Variants in ELMO1 observed in about 807,000 individuals in gnomAD.
The protein encoded by ELMO1 is engulfment and cell motility 1.
ELMO1 carries 26 observed loss-of-function variants against 98.9 expected under a neutral mutation model. That is an observed-to-expected ratio of 0.26 (90% CI 0.19 to 0.36). The LOEUF (loss-of-function observed/expected upper bound fraction) is 0.36, where lower values mean the gene tolerates loss of function less well. Among genes scored for constraint, ELMO1 ranks in the 10% least tolerant of loss-of-function variants. ELMO1 has a pLI of 1.00. For synonymous variants in ELMO1, 346 were observed against 346.0 expected (o/e 1.00, Z 0.00); for missense variants, 627 against 935.2 (o/e 0.67, Z 4.30).
chr7:37,029,553 A>G (rs1376066955), intron 15 of ELMO1, among the ~76,000 whole-genome samples: 1 of 152,186 alleles, frequency 6.6e-6, no homozygotes, highest in Non-Finnish European at 1.5e-5. Context: ...AAATTTGAGT[A>G]TAACACAGCA....
At chr7:37,249,939 A>G (rs999993458) in intron 6 of ELMO1, among the ~76,000 whole-genome samples, 2 of 152,152 alleles carry the variant, frequency 1.3e-5, no homozygotes, top group East Asian at 3.9e-4. Context: ...AAAATTAGCC[A>G]GGTGTGGTGG....
In ELMO1 at chr7:37,217,462, C is replaced by A. The variant is rs573177704; in HGVS notation, c.781-767G>T. 7.9e-5 allele frequency among the ~76,000 whole-genome samples: 12 copies of A among 151,790 alleles called. No homozygotes were observed. In the East Asian group the frequency reaches 1.9e-3, roughly 24 times the overall value. ...TGCTCATATTCAGGAAGACACTTGA[C>A]CGTTGTTTTGTGGTAGGGGGTGTTT... On this transcript the variant is annotated intron_variant, in intron 10 of 21. Coordinates refer to ENST00000310758, the MANE Select transcript of ELMO1 (RefSeq NM_014800.11).
chr7:36,923,603 A>T lies in ELMO1; in HGVS notation c.1438-28586T>A, dbSNP rs186103754. 3.4e-3 allele frequency among the ~76,000 whole-genome samples: 523 copies of T among 152,326 alleles called. 4 individuals are homozygous for T. Among genetic ancestry groups the T allele is most frequent in the Non-Finnish European group, 2.9e-3 (198 of 68,036 alleles). On this transcript the variant is annotated intron_variant, in intron 16 of 21. Transcript: ENST00000310758. ...AATTTAGAACTTAGTAACTGATTTT[A>T]AAAAATCTTCTCAAGAATGGCACAT... is the stretch of plus-strand genomic sequence containing the variant.
intron 13 of ELMO1, among the ~76,000 whole-genome samples, chr7:37,188,498 A>ATAATAAT (rs71002402): frequency 0.016 from 676 of 42,476 alleles, 21 homozygotes; most frequent in African/African-American, 0.033. Context: ...AAAAAAAAAA[A>ATAATAAT]AAAAATAATA....
At chr7:36,991,023 G>A (rs964519792) in intron 16 of ELMO1, among the ~76,000 whole-genome samples, 1 of 152,100 alleles carries the variant, frequency 6.6e-6, no homozygotes, top group Non-Finnish European at 1.5e-5. Flanking sequence ...TGCTTCCACT[G>A]AGTATCCATT....
chr7:37,420,185 T>G (rs1354340830), intron 1 of ELMO1, among the ~76,000 whole-genome samples: 1 of 138,842 alleles, frequency 7.2e-6, no homozygotes, highest in Non-Finnish European at 1.5e-5. Flanking sequence ...GCTGCAGCAC[T>G]GTTCACTCCA....
intron 9 of ELMO1, 77 bp downstream of exon 9, chr7:37,224,802 T>C: frequency 6.4e-7 from 1 of 1,560,382 alleles, no homozygotes; most frequent in Non-Finnish European, 8.7e-7. Flanking sequence ...TATAACAACA[T>C]AAAACGTTTC....
At position 37,154,176 on chromosome 7, in the gene ELMO1, C is replaced by A. The variant is rs907524410; in HGVS notation, c.1087-20942G>T. ...ATCTGTAGGTCACCAACGTCAAAGA[C>A]CAAAGTTAGATAAAACCACAAAGAT... On this transcript the variant is annotated intron_variant, in intron 13 of 21. Coordinates refer to ENST00000310758, the MANE Select transcript of ELMO1 (RefSeq NM_014800.11). 1.5e-3 allele frequency among the ~76,000 whole-genome samples: 221 copies of A among 152,172 alleles called. 4 individuals carry two copies. Among genetic ancestry groups the A allele is most frequent in the Non-Finnish European group, 2.5e-4 (17 of 68,036 alleles).
At chr7:37,373,784 C>A (rs1802215778) in intron 1 of ELMO1, among the ~76,000 whole-genome samples, 1 of 152,212 alleles carries the variant, frequency 6.6e-6, no homozygotes, top group Admixed American at 6.5e-5. Context: ...AAAATATAAA[C>A]AGAACAAATC....
chr7:37,046,034 C>CA (rs1350753536), intron 15 of ELMO1, among the ~76,000 whole-genome samples: 1 of 152,154 alleles, frequency 6.6e-6, no homozygotes, highest in Non-Finnish European at 1.5e-5. Context: ...ATTAAGCCCA[C>CA]AGAAGCAACT....
intron 16 of ELMO1, among the ~76,000 whole-genome samples, chr7:36,953,055 T>G (rs1788119634): frequency 7.1e-6 from 1 of 140,880 alleles, no homozygotes. Context: ...CAGGGCAAGC[T>G]CCCGGGTTCA....
intron 13 of ELMO1, among the ~76,000 whole-genome samples, chr7:37,192,388 G>A (rs573868890): frequency 5.8e-4 from 87 of 151,216 alleles, no homozygotes; most frequent in Non-Finnish European, 9.4e-4. Context: ...CCAGCTACTC[G>A]GGAGGCTGAG....
chr7:37,301,498 C>G (rs1282755004), intron 4 of ELMO1, among the ~76,000 whole-genome samples: 1 of 152,054 alleles, frequency 6.6e-6, no homozygotes, highest in Non-Finnish European at 1.5e-5. Context: ...GCTTGATGAC[C>G]AAGGTTGCCT....
intron 14 of ELMO1, among the ~76,000 whole-genome samples, chr7:37,126,782 G>A (rs151228316): frequency 6.6e-6 from 1 of 152,200 alleles, no homozygotes; most frequent in African/African-American, 2.4e-5. Context: ...ACGCAGGCAC[G>A]TGGTAGGTGT....
At chr7:37,052,898 C>T (rs895023539) in intron 15 of ELMO1, among the ~76,000 whole-genome samples, 2 of 152,140 alleles carry the variant, frequency 1.3e-5, no homozygotes, top group African/African-American at 4.8e-5. Flanking sequence ...TTGTCTGAGG[C>T]TCCCTAATGA....
chr7:37,356,506 C>G (rs1014422799), intron 1 of ELMO1, among the ~76,000 whole-genome samples: 1 of 152,074 alleles, frequency 6.6e-6, no homozygotes, highest in African/African-American at 2.4e-5. Context: ...TTATTCTCAG[C>G]AAACTAACAC....
intron 13 of ELMO1, among the ~76,000 whole-genome samples, chr7:37,155,500 A>ATAAT (rs1234399168): frequency 2.3e-5 from 1 of 43,748 alleles, no homozygotes; most frequent in South Asian, 7.8e-4. Flanking sequence ...AAAAAAAAAA[A>ATAAT]AAAAAAAAGC....
At chr7:36,974,013 A>T (rs1790250402) in intron 16 of ELMO1, among the ~76,000 whole-genome samples, 1 of 152,142 alleles carries the variant, frequency 6.6e-6, no homozygotes, top group Non-Finnish European at 1.5e-5. Flanking sequence ...GCCATGCCTG[A>T]GCCTCCCCCC....
At chr7:37,175,100 G>A (rs1217799573) in intron 13 of ELMO1, among the ~76,000 whole-genome samples, 1 of 152,072 alleles carries the variant, frequency 6.6e-6, no homozygotes, top group Non-Finnish European at 1.5e-5. Context: ...AAAGGAAGGC[G>A]GGAAAAGAAA....
Sources: allele counts gnomAD v4.1 joint callset (sites outside exome capture counted in the v4.1 genomes callset), GRCh38; gene constraint gnomAD v4.1.1; transcripts MANE v1.5; gene names NCBI Gene and HGNC (gene_info 2026-07-23, HGNC 2026-07-21).